The following TBC1D22A variants were observed in gnomAD, a reference collection of about 807,000 sequenced individuals.
The protein encoded by TBC1D22A is putative GTPase activator.
Under a neutral mutation model 60.2 loss-of-function variants are expected in TBC1D22A, and 38 were observed. The observed-to-expected ratio is 0.63, with a 90% CI of 0.49 to 0.83. The LOEUF is 0.83. Ranked by LOEUF, TBC1D22A falls within the 40% of genes least tolerant of loss-of-function variation. The pLI is 0.00. For missense variants in TBC1D22A, 628 were observed against 701.0 expected (o/e 0.90, Z 1.18); for synonymous variants, 302 against 281.7 (o/e 1.07, Z -0.72).
rs1363030874 is a variant in TBC1D22A, at chr22:47,049,122, T to C, written c.1329+11924T>C. On this transcript the variant is annotated intron_variant, in intron 11 of 12. Coordinates refer to ENST00000337137, the MANE Select transcript of TBC1D22A (RefSeq NM_014346.5). ...GCCGGCGCTCCACCTGGGTCCCCAG[T>C]GTGGCACTCACAGCTCTGCCGGGTA... Among the ~76,000 whole-genome samples the C allele has an allele frequency of 5.3e-5, 8 of 152,228 alleles. No individual in the cohort carries two copies. In the South Asian group the frequency reaches 1.7e-3, roughly 32 times the overall value.
intron 11 of TBC1D22A, among the ~76,000 whole-genome samples, chr22:47,066,102 A>G (rs1244158561): frequency 1.3e-5 from 2 of 152,242 alleles, no homozygotes; most frequent in South Asian, 2.1e-4. Context: ...TGTCATCAAA[A>G]CACTTTGCAT....
chr22:47,038,540 CAG>C (rs1246482354), intron 11 of TBC1D22A, among the ~76,000 whole-genome samples: 2 of 152,240 alleles, frequency 1.3e-5, no homozygotes, highest in African/African-American at 4.8e-5. Flanking sequence ...TCCCACAGGA[CAG>C]GGTGCCTGCT....
At chr22:46,922,801 T>G (rs887337362) in intron 8 of TBC1D22A, among the ~76,000 whole-genome samples, 11 of 152,242 alleles carry the variant, frequency 7.2e-5, no homozygotes, top group Non-Finnish European at 1.6e-4. Flanking sequence ...AAAATTTTAC[T>G]GAAGCTATCA....
chr22:47,058,961 A>G (rs2063484286), intron 11 of TBC1D22A, among the ~76,000 whole-genome samples: 1 of 152,102 alleles, frequency 6.6e-6, no homozygotes, highest in Non-Finnish European at 1.5e-5. Context: ...GTGAAGAAGG[A>G]CCAGTCATCA....
rs1293316159 is a variant in TBC1D22A, at chr22:47,063,365, G to A, written c.1329+26167G>A. Among the ~76,000 whole-genome samples the A allele has an allele frequency of 5.3e-5, 8 of 152,270 alleles. No individual in the cohort carries two copies. In the East Asian group the frequency reaches 1.4e-3, roughly 26 times the overall value. On this transcript the variant is annotated intron_variant, in intron 11 of 12. Coordinates refer to ENST00000337137, the MANE Select transcript of TBC1D22A (RefSeq NM_014346.5). ...AGGTGAAGAGGTTCCCTTAGGATTT[G>A]GGGAGATGGAAGTTAGGCCCGGCCT...
At chr22:47,054,515 C>T (rs922093507) in intron 11 of TBC1D22A, among the ~76,000 whole-genome samples, 2 of 152,172 alleles carry the variant, frequency 1.3e-5, no homozygotes, top group African/African-American at 2.4e-5. Context: ...TCTGCTTGGG[C>T]GCCTTTCTGT....
At chr22:46,856,064 C>T (rs765495727) in intron 4 of TBC1D22A, among the ~76,000 whole-genome samples, 5 of 152,150 alleles carry the variant, frequency 3.3e-5, no homozygotes, top group Non-Finnish European at 7.3e-5. Flanking sequence ...AGAGGCTGCC[C>T]CTTTCCTCTG....
At chr22:46,908,262 A>G (rs2069635262) in intron 7 of TBC1D22A, among the ~76,000 whole-genome samples, 1 of 152,162 alleles carries the variant, frequency 6.6e-6, no homozygotes, top group Admixed American at 6.5e-5. Context: ...GCTGGATGCC[A>G]CACGCATCTG....
intron 10 of TBC1D22A, among the ~76,000 whole-genome samples, chr22:47,026,456 A>C (rs1603054154): frequency 6.6e-6 from 1 of 152,246 alleles, no homozygotes; most frequent in African/African-American, 2.4e-5. Flanking sequence ...CCAAAAAGGA[A>C]GAAGTAAAAC....
Position 46,894,828 on chromosome 22 carries a change from G to T in TBC1D22A, c.882G>T (p.Leu294=), listed in dbSNP as rs774451873. 8 of 1,614,224 alleles carry T rather than the reference G, an allele frequency of 5.0e-6. No homozygotes were observed. The highest frequency in any genetic ancestry group is 6.8e-6 in the Non-Finnish European group (8 of 1,180,034). ...IPRMSPEALI[L]QPKVTEIFER... is the part of the protein sequence containing the mutation. ...GCATGAGCCCTGAAGCGTTGATCCT[G>T]CAGCCCAAGGTGACGGAGGTAAGAA... The change falls in exon 7 of 13, where the codon CTG becomes CTT. Residue 294 remains leucine (L), a synonymous_variant. Coordinates refer to ENST00000337137, the MANE Select transcript of TBC1D22A (RefSeq NM_014346.5).
rs547875953 is a variant in TBC1D22A, at chr22:46,824,528, C to T, written c.637+26908C>T. Among the ~76,000 whole-genome samples the T allele has an allele frequency of 7.2e-5, 11 of 152,178 alleles. No individual in the cohort carries two copies. In the East Asian group the frequency reaches 7.7e-4, roughly 11 times the overall value. On this transcript the variant is annotated intron_variant, in intron 4 of 12. Coordinates refer to ENST00000337137, the MANE Select transcript of TBC1D22A (RefSeq NM_014346.5). Reference sequence around the variant, plus strand: ...GCTGCATCCTGCAGGCCCCTGAGGGCGGTGGAAGGAGGTCACATTCCATGC... The same window carrying T: ...GCTGCATCCTGCAGGCCCCTGAGGGTGGTGGAAGGAGGTCACATTCCATGC...
rs770531042 is a variant in TBC1D22A, at chr22:46,792,610, GCT to G, written c.119+37_119+38del. 2.3e-5 allele frequency: 37 copies of G among 1,614,092 alleles called. 2 individuals carry two copies. The South Asian group carries it at 4.0e-4, about 17-fold the overall frequency. ...CGTTCCAACCTCACTTGGCGTCTCGGCTCTGATATGGGAGGGCTGTGGCAACC... is the reference window on the plus strand; with the variant it reads ...CGTTCCAACCTCACTTGGCGTCTCGGCTGATATGGGAGGGCTGTGGCAACC... On this transcript the variant is annotated intron_variant, in intron 2 of 12. Transcript: ENST00000337137.
chr22:46,931,055 C>T (rs1401484900), intron 8 of TBC1D22A, among the ~76,000 whole-genome samples: 1 of 152,222 alleles, frequency 6.6e-6, no homozygotes, highest in African/African-American at 2.4e-5. Context: ...GTTCTAGTCC[C>T]TCCTGTTCTA....
intron 8 of TBC1D22A, among the ~76,000 whole-genome samples, chr22:46,942,137 C>T (rs1299478565): frequency 1.3e-5 from 2 of 151,552 alleles, no homozygotes; most frequent in Non-Finnish European, 2.9e-5. Context: ...CTGGGGGCAC[C>T]AGCATACATA....
intron 12 of TBC1D22A, among the ~76,000 whole-genome samples, chr22:47,118,769 CTG>C (rs1333951580): frequency 6.7e-6 from 1 of 149,534 alleles, no homozygotes. Flanking sequence ...TAGTCCTCCT[CTG>C]TGTTAGGAAA....
intron 11 of TBC1D22A, among the ~76,000 whole-genome samples, chr22:47,111,237 G>A (rs2065835138): frequency 1.3e-5 from 2 of 152,256 alleles, no homozygotes; most frequent in African/African-American, 4.8e-5. Flanking sequence ...GCGCAAGAGA[G>A]AAGAATGAAC....
At chr22:46,991,411 G>A (rs1160427357) in intron 9 of TBC1D22A, among the ~76,000 whole-genome samples, 1 of 152,178 alleles carries the variant, frequency 6.6e-6, no homozygotes, top group African/African-American at 2.4e-5. Flanking sequence ...GCACAATCAA[G>A]ATTCAGAATG....
chr22:47,160,606 A>C (rs1486598142), intron 12 of TBC1D22A, among the ~76,000 whole-genome samples: 10 of 152,186 alleles, frequency 6.6e-5, no homozygotes. Context: ...TGCTGGATTG[A>C]ATATGAAAGT....
At chr22:47,090,155 C>T (rs1460816413) in intron 11 of TBC1D22A, among the ~76,000 whole-genome samples, 5 of 152,218 alleles carry the variant, frequency 3.3e-5, no homozygotes, top group Non-Finnish European at 5.9e-5. Context: ...TCTCCAGCTC[C>T]ACCTCACCTG....
Sources: allele counts gnomAD v4.1 joint callset (sites outside exome capture counted in the v4.1 genomes callset), GRCh38; gene constraint gnomAD v4.1.1; transcripts MANE v1.5; gene names NCBI Gene and HGNC (gene_info 2026-07-23, HGNC 2026-07-21).